The following GPC6 variants were observed in gnomAD, a reference collection of about 807,000 sequenced individuals.
The protein encoded by GPC6 is glypican-6.
In GPC6, 14 loss-of-function variants were observed where a neutral mutation model predicts 55.2. The observed-to-expected ratio is 0.25, with a 90% CI of 0.17 to 0.40. GPC6 has a LOEUF of 0.40. Among genes scored for constraint, GPC6 ranks in the 10% least tolerant of loss-of-function variants. The pLI is 1.00. For synonymous variants in GPC6, 278 were observed against 259.6 expected, an observed-to-expected ratio of 1.07 and a Z score of -0.68; for missense variants, 641 against 708.5, an observed-to-expected ratio of 0.90 and a Z score of 1.08.
intron 4 of GPC6, among the ~76,000 whole-genome samples, chr13:94,035,542 A>G (rs1382423263): frequency 6.6e-6 from 1 of 152,080 alleles, no homozygotes; most frequent in Non-Finnish European, 1.5e-5. Flanking sequence ...TCCCACGGCC[A>G]CCATAACCAG....
At chr13:93,392,708 T>G (rs2139219720) in intron 1 of GPC6, among the ~76,000 whole-genome samples, 1 of 152,310 alleles carries the variant, frequency 6.6e-6, no homozygotes, top group East Asian at 1.9e-4. Context: ...TGCACTTGTT[T>G]CAAAGCAATG....
chr13:93,421,576 C>T (rs1434596305), intron 1 of GPC6, among the ~76,000 whole-genome samples: 1 of 151,994 alleles, frequency 6.6e-6, no homozygotes, highest in Non-Finnish European at 1.5e-5. Flanking sequence ...TGTTTAAAAC[C>T]ATATTGCTTT....
intron 3 of GPC6, among the ~76,000 whole-genome samples, chr13:93,984,097 C>T (rs1436795663): frequency 6.6e-6 from 1 of 151,714 alleles, no homozygotes; most frequent in Non-Finnish European, 1.5e-5. Flanking sequence ...TTTTCAAACA[C>T]CAGAGGCTCC....
At chr13:93,618,500 A>G (rs1156454503) in intron 2 of GPC6, among the ~76,000 whole-genome samples, 1 of 152,048 alleles carries the variant, frequency 6.6e-6, no homozygotes, top group East Asian at 1.9e-4. Context: ...AAAATGTGCA[A>G]TTAGGGAGGC....
chr13:93,401,828 C>G (rs761001765), intron 1 of GPC6, among the ~76,000 whole-genome samples: 1 of 150,922 alleles, frequency 6.6e-6, no homozygotes, highest in Non-Finnish European at 1.5e-5. Context: ...TGGTTAATAT[C>G]CATTAACACG....
At chr13:94,208,334 A>G (rs1425642860) in intron 4 of GPC6, among the ~76,000 whole-genome samples, 1 of 152,160 alleles carries the variant, frequency 6.6e-6, no homozygotes, top group Non-Finnish European at 1.5e-5. Flanking sequence ...GTTGTTGACA[A>G]CTAAATAAGA....
chr13:93,761,000 A>C (rs1291761089), intron 2 of GPC6, among the ~76,000 whole-genome samples: 1 of 152,230 alleles, frequency 6.6e-6, no homozygotes, highest in Non-Finnish European at 1.5e-5. Flanking sequence ...TTATGTTTAC[A>C]GCATGGGATC....
At chr13:93,965,802 C>G (rs1880015409) in intron 3 of GPC6, among the ~76,000 whole-genome samples, 1 of 152,124 alleles carries the variant, frequency 6.6e-6, no homozygotes, top group African/African-American at 2.4e-5. Context: ...GAAAAACTGA[C>G]CAGCTGAGCC....
chr13:93,797,162 G>A (rs1383588620), intron 2 of GPC6, among the ~76,000 whole-genome samples: 1 of 103,436 alleles, frequency 9.7e-6, no homozygotes, highest in Non-Finnish European at 2.1e-5. Context: ...TAATAGAGAG[G>A]TAGAAAAATG....
At position 94,160,085 on chromosome 13, in the gene GPC6, G is replaced by A. The variant is rs575720888; in HGVS notation, c.878-126264G>A. Among the ~76,000 whole-genome samples, 6 of 152,236 alleles carry A rather than the reference G, an allele frequency of 3.9e-5. No individual in the cohort carries two copies. In the East Asian group the frequency reaches 7.7e-4, roughly 20 times the overall value. ...AGTTTCTTATAGCCAATCATGGTCC[G>A]AAAATATTCCATACGATAAGATATT... On this transcript the variant is annotated intron_variant, in intron 4 of 8. Coordinates refer to ENST00000377047, the MANE Select transcript of GPC6 (RefSeq NM_005708.5).
At chr13:93,906,849 C>A (rs1876696801) in intron 3 of GPC6, among the ~76,000 whole-genome samples, 1 of 152,126 alleles carries the variant, frequency 6.6e-6, no homozygotes, top group South Asian at 2.1e-4. Flanking sequence ...GTAGCTCTTA[C>A]AAACTGAAAG....
At chr13:93,957,545 G>T (rs551705106) in intron 3 of GPC6, among the ~76,000 whole-genome samples, 1 of 152,250 alleles carries the variant, frequency 6.6e-6, no homozygotes, top group East Asian at 1.9e-4. Flanking sequence ...TTGCTGCAAA[G>T]GACACTATCT....
intron 3 of GPC6, among the ~76,000 whole-genome samples, chr13:93,898,966 T>C (rs9524271): frequency 0.058 from 8,014 of 137,036 alleles, 594 homozygotes; most frequent in African/African-American, 0.18. Flanking sequence ...TATATATATA[T>C]ACACACACAT....
intron 4 of GPC6, among the ~76,000 whole-genome samples, chr13:94,039,096 T>A (rs1219636060): frequency 6.6e-6 from 1 of 151,900 alleles, no homozygotes; most frequent in Non-Finnish European, 1.5e-5. Flanking sequence ...TAGGAATAAG[T>A]ATGATGTGCT....
At chr13:93,899,493 G>A (rs1021758250) in intron 3 of GPC6, among the ~76,000 whole-genome samples, 1 of 151,854 alleles carries the variant, frequency 6.6e-6, no homozygotes, top group Non-Finnish European at 1.5e-5. Flanking sequence ...CATTTGCAGT[G>A]AAACTTGAGT....
At chr13:93,875,721 A>G (rs1889272903) in intron 3 of GPC6, among the ~76,000 whole-genome samples, 1 of 152,064 alleles carries the variant, frequency 6.6e-6, no homozygotes, top group African/African-American at 2.4e-5. Flanking sequence ...TAAATGATTC[A>G]TATGGCATGG....
At chr13:93,997,003 T>C (rs1881584953) in intron 3 of GPC6, among the ~76,000 whole-genome samples, 1 of 152,182 alleles carries the variant, frequency 6.6e-6, no homozygotes, top group South Asian at 2.1e-4. Context: ...GTCTTAGAGA[T>C]GTGGTGTTCA....
intron 1 of GPC6, among the ~76,000 whole-genome samples, chr13:93,391,167 A>G (rs555310385): frequency 2.0e-5 from 3 of 152,188 alleles, no homozygotes; most frequent in African/African-American, 7.2e-5. Flanking sequence ...ATATACTGCC[A>G]TTTAAATTAG....
chr13:94,077,361 A>T (rs1884952647), intron 4 of GPC6, among the ~76,000 whole-genome samples: 1 of 151,724 alleles, frequency 6.6e-6, no homozygotes, highest in Non-Finnish European at 1.5e-5. Context: ...TGTTTATCTC[A>T]ACAGTTTTTT....
Sources: allele counts gnomAD v4.1 joint callset (sites outside exome capture counted in the v4.1 genomes callset), GRCh38; gene constraint gnomAD v4.1.1; transcripts MANE v1.5; gene names NCBI Gene and HGNC (gene_info 2026-07-23, HGNC 2026-07-21).